Variants in KCNAB1 observed in about 807,000 individuals in gnomAD.
KCNAB1 encodes the protein potassium voltage-gated channel subfamily A regulatory beta subunit 1.
In KCNAB1, 35 loss-of-function variants were observed where a neutral mutation model predicts 64.6. The observed-to-expected ratio is 0.54, with a 90% CI of 0.41 to 0.72. The LOEUF (loss-of-function observed/expected upper bound fraction) is 0.72, where lower values mean the gene tolerates loss of function less well. Among genes scored for constraint, KCNAB1 ranks in the 30% least tolerant of loss-of-function variants. The probability of loss-of-function intolerance (pLI) is 0.00; values close to 1 mark genes in which losing one functional copy is unlikely to be tolerated. For synonymous variants in KCNAB1, 177 were observed against 183.8 expected (o/e 0.96, Z 0.30); for missense variants, 401 against 512.9 (o/e 0.78, Z 2.11).
chr3:156,265,088 T>C (rs1367396741), intron 1 of KCNAB1, among the ~76,000 whole-genome samples: 2 of 152,202 alleles, frequency 1.3e-5, no homozygotes, highest in East Asian at 3.8e-4. Context: ...TGAGTTCCAG[T>C]TGAATTTTGA....
chr3:156,329,042 G>GT (rs949815895), intron 1 of KCNAB1, among the ~76,000 whole-genome samples: 9 of 152,186 alleles, frequency 5.9e-5, no homozygotes, highest in African/African-American at 1.9e-4. Context: ...TTACAGTGCG[G>GT]TTTAAAAAAA....
rs74647640 is a variant in KCNAB1, at chr3:156,169,991, G to A, written c.275+49105G>A. On this transcript the variant is annotated intron_variant, in intron 1 of 13. Transcript: ENST00000490337. ...CCTGATCAATCATATTCCCAAAGAG[G>A]CCCTTTTTCCCTCTACTGCCCAAGG... 1.1e-4 allele frequency among the ~76,000 whole-genome samples: 16 copies of A among 152,200 alleles called. No individual in the cohort carries two copies. The South Asian group carries it at 2.7e-3, about 26-fold the overall frequency.
chr3:156,120,235 A>C (rs749513842), upstream of KCNAB1, among the ~76,000 whole-genome samples: 6 of 152,200 alleles, frequency 3.9e-5, no homozygotes. Flanking sequence ...TAACTCTAAC[A>C]TGATTATCGA....
chr3:156,219,772 G>C (rs1052387940), intron 1 of KCNAB1, among the ~76,000 whole-genome samples: 3 of 151,350 alleles, frequency 2.0e-5, no homozygotes, highest in African/African-American at 7.3e-5. Flanking sequence ...CAACGTGCAG[G>C]TTTGTTATAT....
chr3:156,457,352 G>A, intron 3 of KCNAB1, 101 bp from the exon 4 acceptor site: 2 of 1,571,086 alleles, frequency 1.3e-6, no homozygotes, highest in Non-Finnish European at 1.7e-6. Flanking sequence ...GGAGTGGTTA[G>A]TGAGAGGTCA....
intron 1 of KCNAB1, among the ~76,000 whole-genome samples, chr3:156,321,632 A>G (rs954405974): frequency 3.3e-5 from 5 of 152,254 alleles, no homozygotes; most frequent in African/African-American, 1.2e-4. Context: ...TTGGGAATGC[A>G]TATACCTTTT....
chr3:156,336,530 G>A lies in KCNAB1; in HGVS notation c.276-85086G>A, dbSNP rs566207056. Reference sequence around the variant, plus strand: ...GAGAATCTGGAGTTTAATTTTGACCGTCCTTGAATTGTACATGTTCAGAAT... The same window carrying A: ...GAGAATCTGGAGTTTAATTTTGACCATCCTTGAATTGTACATGTTCAGAAT... On this transcript the variant is annotated intron_variant, in intron 1 of 13. Transcript: ENST00000490337. Among the ~76,000 whole-genome samples the A allele has an allele frequency of 5.3e-5, 8 of 152,136 alleles. No homozygotes were observed. In the South Asian group the frequency reaches 6.2e-4, roughly 12 times the overall value.
At chr3:156,500,502 C>T (rs1716326406) in intron 8 of KCNAB1, among the ~76,000 whole-genome samples, 1 of 151,924 alleles carries the variant, frequency 6.6e-6, no homozygotes, top group Admixed American at 6.6e-5. Context: ...TACTGCAACC[C>T]AAAGCTCAAG....
chr3:156,357,741 G>A (rs1253981469), intron 1 of KCNAB1, among the ~76,000 whole-genome samples: 1 of 150,776 alleles, frequency 6.6e-6, no homozygotes, highest in African/African-American at 2.4e-5. Context: ...CATATATCAT[G>A]ATTCAGATAC....
At chr3:156,344,573 T>C (rs531089228) in intron 1 of KCNAB1, among the ~76,000 whole-genome samples, 12 of 152,310 alleles carry the variant, frequency 7.9e-5, no homozygotes, top group African/African-American at 2.4e-4. Flanking sequence ...CTCATATGTC[T>C]AAGAATCCAT....
At chr3:156,344,743 A>C (rs1317333594) in intron 1 of KCNAB1, among the ~76,000 whole-genome samples, 1 of 152,206 alleles carries the variant, frequency 6.6e-6, no homozygotes, top group East Asian at 1.9e-4. Flanking sequence ...TGAGGAAAAA[A>C]ATAAAAAGAA....
At chr3:156,248,264 T>A (rs925737470) in intron 1 of KCNAB1, among the ~76,000 whole-genome samples, 3 of 152,192 alleles carry the variant, frequency 2.0e-5, no homozygotes, top group African/African-American at 7.2e-5. Flanking sequence ...ACTGTTCTGT[T>A]TTGGGGTGGC....
intron 2 of KCNAB1, among the ~76,000 whole-genome samples, chr3:156,449,039 GA>G (rs201335200): frequency 6.6e-6 from 1 of 152,138 alleles, no homozygotes; most frequent in African/African-American, 2.4e-5. Context: ...AAGGGCCAGG[GA>G]GGTAGTCATC....
At chr3:156,397,074 C>T (rs965217178) in intron 1 of KCNAB1, among the ~76,000 whole-genome samples, 4 of 152,202 alleles carry the variant, frequency 2.6e-5, no homozygotes, top group African/African-American at 9.7e-5. Flanking sequence ...AGAGAACACA[C>T]TTGGCTACCA....
At chr3:156,514,885 A>C (rs1258691817) in intron 9 of KCNAB1, among the ~76,000 whole-genome samples, 1 of 147,856 alleles carries the variant, frequency 6.8e-6, no homozygotes, top group African/African-American at 2.7e-5. Flanking sequence ...GACTTAACTC[A>C]ATCCAAACCC....
intron 1 of KCNAB1, among the ~76,000 whole-genome samples, chr3:156,373,278 GA>G (rs1288165117): frequency 6.6e-6 from 1 of 152,168 alleles, no homozygotes; most frequent in Non-Finnish European, 1.5e-5. Flanking sequence ...CCGGGCCAGG[GA>G]AAAACACCAC....
At chr3:156,490,850 G>A (rs903502075) in intron 8 of KCNAB1, among the ~76,000 whole-genome samples, 2 of 152,038 alleles carry the variant, frequency 1.3e-5, no homozygotes, top group African/African-American at 2.4e-5. Context: ...TGCCCACTCA[G>A]TACCCAATAC....
intron 8 of KCNAB1, among the ~76,000 whole-genome samples, chr3:156,478,529 G>A (rs541080747): frequency 1.3e-5 from 2 of 152,198 alleles, no homozygotes; most frequent in African/African-American, 4.8e-5. Flanking sequence ...CAGGTAGCGC[G>A]GAGTACAAGA....
intron 13 of KCNAB1, among the ~76,000 whole-genome samples, chr3:156,535,709 T>A (rs1487434968): frequency 2.0e-5 from 3 of 152,190 alleles, no homozygotes. Flanking sequence ...AACCACCATC[T>A]TCCCCCAAAA....
Sources: gnomAD v4.1 joint callset for allele counts (sites outside exome capture counted in the v4.1 genomes callset) on GRCh38, gnomAD v4.1.1 for gene constraint, MANE v1.5 for transcripts, NCBI Gene and HGNC (gene_info 2026-07-23, HGNC 2026-07-21) for gene names.